The following RBFOX1 variants were observed in gnomAD, a reference collection of about 807,000 sequenced individuals.
The protein encoded by RBFOX1 is RNA binding protein fox-1 homolog 1.
In RBFOX1, 8 loss-of-function variants were observed where a neutral mutation model predicts 57.7. That is an observed-to-expected ratio of 0.14 (90% CI 0.08 to 0.25). The LOEUF (loss-of-function observed/expected upper bound fraction) is 0.25. Among genes scored for constraint, RBFOX1 ranks in the 10% least tolerant of loss-of-function variants. The pLI, the probability that RBFOX1 is intolerant of heterozygous loss-of-function variation, is 1.00. For missense variants in RBFOX1, 611 were observed against 548.5 expected (o/e 1.11, Z -1.14); for synonymous variants, 326 against 222.4 (o/e 1.47, Z -4.15).
intron 4 of RBFOX1, among the ~76,000 whole-genome samples, chr16:7,233,491 G>A (rs549314332): frequency 1.1e-4 from 16 of 152,242 alleles, no homozygotes; most frequent in Non-Finnish European, 2.2e-4. Context: ...GCAGGCCGTC[G>A]ATCAGCACTT....
intron 3 of RBFOX1, among the ~76,000 whole-genome samples, chr16:6,660,865 G>T (rs2098697071): frequency 6.6e-6 from 1 of 152,104 alleles, no homozygotes; most frequent in African/African-American, 2.4e-5. Flanking sequence ...GGATCTCAGG[G>T]GAGTATGCAA....
At position 6,864,753 on chromosome 16, in the gene RBFOX1, T is replaced by C. The variant is rs369796581; in HGVS notation, c.-15-187304T>C. ...AGAAGATGTTGCTCTGTTCAACCTG[T>C]ATTTTTAAGTGTCTTTTTCCTCTAA... On this transcript the variant is annotated intron_variant, in intron 3 of 15. Transcript: ENST00000550418. 2.6e-5 allele frequency among the ~76,000 whole-genome samples: 4 copies of C among 152,214 alleles called. 1 individual carries two copies. The South Asian group carries it at 8.3e-4, about 32-fold the overall frequency.
intron 3 of RBFOX1, among the ~76,000 whole-genome samples, chr16:6,912,652 G>C (rs1233743608): frequency 1.3e-5 from 2 of 149,148 alleles, no homozygotes; most frequent in Non-Finnish European, 3.0e-5. Context: ...GTCTCACTGT[G>C]TCATCCAGGC....
chr16:7,603,469 G>A (rs1268329030), intron 9 of RBFOX1, among the ~76,000 whole-genome samples: 2 of 152,072 alleles, frequency 1.3e-5, no homozygotes, highest in South Asian at 2.1e-4. Context: ...TAGCATTAAC[G>A]GCAATGCAGA....
chr16:7,314,794 A>G (rs1286460504), intron 4 of RBFOX1, among the ~76,000 whole-genome samples: 2 of 152,324 alleles, frequency 1.3e-5, no homozygotes, highest in East Asian at 3.9e-4. Flanking sequence ...CGATAAGTCA[A>G]CAGGAGCTTG....
chr16:5,446,041 G>A (rs1233731291), intron 1 of RBFOX1, among the ~76,000 whole-genome samples: 1 of 152,218 alleles, frequency 6.6e-6, no homozygotes, highest in Admixed American at 6.5e-5. Context: ...AATGGTCTTG[G>A]AAGTAAATTT....
At chr16:5,576,560 C>T (rs1446164013) in intron 2 of RBFOX1, among the ~76,000 whole-genome samples, 1 of 152,190 alleles carries the variant, frequency 6.6e-6, no homozygotes, top group Admixed American at 6.5e-5. Context: ...GTGTATCCTG[C>T]CCCTTTCCCC....
At chr16:5,370,385 C>T (rs1367923084) in intron 1 of RBFOX1, among the ~76,000 whole-genome samples, 1 of 151,498 alleles carries the variant, frequency 6.6e-6, no homozygotes, top group Non-Finnish European at 1.5e-5. Flanking sequence ...ATGCTATGAG[C>T]TGTGGATGCT....
intron 2 of RBFOX1, among the ~76,000 whole-genome samples, chr16:5,499,950 T>G (rs2043129725): frequency 6.6e-6 from 1 of 152,208 alleles, no homozygotes; most frequent in South Asian, 2.1e-4. Flanking sequence ...CAGCAGATAT[T>G]TATTTCGTAT....
At chr16:5,478,414 G>C (rs2069406934) in intron 2 of RBFOX1, among the ~76,000 whole-genome samples, 1 of 152,060 alleles carries the variant, frequency 6.6e-6, no homozygotes, top group South Asian at 2.1e-4. Context: ...TGGAATCAGA[G>C]CTGCAGCATT....
chr16:5,942,380 G>T lies in RBFOX1; in HGVS notation c.351+75045G>T, dbSNP rs7205171. On this transcript the variant is annotated intron_variant, in intron 4 of 19. Transcript: ENST00000641259. ...CTTCTGGGTGAGAGCTACAGGACTA[G>T]TTGAGTCATGAGTCACGGGTCTGAG... 7.9e-5 allele frequency among the ~76,000 whole-genome samples: 12 copies of T among 152,014 alleles called. No homozygotes were observed. In the South Asian group the frequency reaches 1.2e-3, roughly 16 times the overall value.
chr16:6,715,335 C>T (rs903470408), intron 3 of RBFOX1, among the ~76,000 whole-genome samples: 7 of 151,898 alleles, frequency 4.6e-5, no homozygotes, highest in African/African-American at 1.7e-4. Context: ...ATTCTGGGAC[C>T]AGGGTGCGGA....
intron 4 of RBFOX1, among the ~76,000 whole-genome samples, chr16:5,898,366 G>A (rs2058218030): frequency 6.6e-6 from 1 of 152,120 alleles, no homozygotes; most frequent in African/African-American, 2.4e-5. Flanking sequence ...TCTTCTACCT[G>A]AGAAGTAGGG....
chr16:5,626,207 A>T (rs1383204088), intron 3 of RBFOX1, among the ~76,000 whole-genome samples: 1 of 152,260 alleles, frequency 6.6e-6, no homozygotes, highest in East Asian at 1.9e-4. Context: ...CCTCCAACTT[A>T]TCCTCTGGAG....
intron 4 of RBFOX1, among the ~76,000 whole-genome samples, chr16:5,999,496 T>C (rs937306496): frequency 6.6e-6 from 1 of 152,194 alleles, no homozygotes; most frequent in East Asian, 1.9e-4. Context: ...GAAACAAAAC[T>C]TACATGCTAA....
chr16:5,949,984 G>A (rs1222366373), intron 4 of RBFOX1, among the ~76,000 whole-genome samples: 1 of 152,194 alleles, frequency 6.6e-6, no homozygotes, highest in Non-Finnish European at 1.5e-5. Flanking sequence ...ATGTTACATA[G>A]GTTGATGTGG....
chr16:7,520,275 T>C (rs2077253008), intron 5 of RBFOX1, among the ~76,000 whole-genome samples: 1 of 152,208 alleles, frequency 6.6e-6, no homozygotes, highest in Non-Finnish European at 1.5e-5. Context: ...AAAATACATA[T>C]AACATAAAAC....
intron 4 of RBFOX1, among the ~76,000 whole-genome samples, chr16:7,395,691 A>G (rs1219765702): frequency 6.6e-6 from 1 of 152,224 alleles, no homozygotes; most frequent in African/African-American, 2.4e-5. Context: ...AGATGTGTCT[A>G]TAGACTTGCA....
intron 4 of RBFOX1, among the ~76,000 whole-genome samples, chr16:5,926,577 C>G (rs1007478205): frequency 6.6e-6 from 1 of 152,086 alleles, no homozygotes; most frequent in Non-Finnish European, 1.5e-5. Flanking sequence ...ACCTCAGACT[C>G]GTAACTCGTT....
Sources: gnomAD v4.1 joint callset for allele counts (sites outside exome capture counted in the v4.1 genomes callset) on GRCh38, gnomAD v4.1.1 for gene constraint, MANE v1.5 for transcripts, NCBI Gene and HGNC (gene_info 2026-07-23, HGNC 2026-07-21) for gene names.